Variants in RAD51C observed in about 807,000 individuals in gnomAD.
RAD51C encodes the protein RAD51 paralog C.
Under a neutral mutation model 45.0 loss-of-function variants are expected in RAD51C, and 42 were observed. The observed-to-expected ratio is 0.93, with a 90% CI of 0.73 to 1.21. RAD51C has a LOEUF of 1.21. RAD51C is among the 50% of genes most tolerant of loss of function. The pLI is 0.00. For synonymous variants in RAD51C, 172 were observed against 159.8 expected, an observed-to-expected ratio of 1.08 and a Z score of -0.58; for missense variants, 474 against 452.2, an observed-to-expected ratio of 1.05 and a Z score of -0.44.
chr17:58,731,478 C>T (rs1210897252), intron 7 of RAD51C, among the ~76,000 whole-genome samples: 1 of 152,004 alleles, frequency 6.6e-6, no homozygotes, highest in Non-Finnish European at 1.5e-5. Flanking sequence ...AGGCTGGTCT[C>T]GAACTCCCGA....
rs895193454 is a variant in RAD51C at position 58,710,108 on chromosome 17, G to C, written c.837+118G>C. 7.4e-5 allele frequency: 87 copies of C among 1,174,676 alleles called. No individual in the cohort carries two copies. The East Asian group carries it at 2.0e-3, about 27-fold the overall frequency. 72.8% of individuals were successfully genotyped at this position (1,174,676 alleles called of 1,614,324 possible). A position where few individuals can be genotyped will look rare whatever the true frequency, so the allele number is the denominator to read the frequency against. The stretch of plus-strand genomic sequence containing the variant: ...AAATAATATAGACATGCAGTTTTGA[G>C]TAAAGTTACGTTTGGTTGGTTTCCA... On this transcript the variant is annotated intron_variant, in intron 5 of 8. Transcript: ENST00000337432.
chr17:58,694,902 G>A (rs1483996069), intron 1 of RAD51C, 29 bp from the exon 2 acceptor site: 2 of 1,551,734 alleles, frequency 1.3e-6, no homozygotes, highest in South Asian at 1.1e-5. Context: ...TCTAAAATTA[G>A]GGTTCTTTTT....
intron 7 of RAD51C, among the ~76,000 whole-genome samples, chr17:58,725,716 C>T (rs190281888): frequency 2.6e-5 from 4 of 152,128 alleles, no homozygotes; most frequent in East Asian, 1.9e-4. Context: ...AGTACATGGC[C>T]GGATGCAGTG....
At chr17:58,698,090 C>T (rs996494378) in intron 3 of RAD51C, among the ~76,000 whole-genome samples, 3 of 151,874 alleles carry the variant, frequency 2.0e-5, no homozygotes, top group Non-Finnish European at 4.4e-5. Context: ...CGGCTCACTG[C>T]AGCCTCTGCC....
rs1040276447 is a variant in RAD51C, at chr17:58,734,599, T to G, written c.*377T>G. 8.6e-6 allele frequency: 2 copies of G among 232,892 alleles called. No individual in the cohort carries two copies. Among genetic ancestry groups the G allele is most frequent in the South Asian group, 6.1e-5 (1 of 16,382 alleles). 14.4% of individuals were successfully genotyped at this position (232,892 alleles called of 1,614,324 possible). ...CATATTCTTATTGTGTTTTTTTTTT[T>G]TTTTTTTTTTTTGGAGATGGATTCT... On this transcript the variant is annotated 3_prime_UTR_variant, in exon 9 of 9. Coordinates refer to ENST00000337432, the MANE Select transcript of RAD51C (RefSeq NM_058216.3).
intron 4 of RAD51C, among the ~76,000 whole-genome samples, chr17:58,704,112 C>G (rs891590429): frequency 1.3e-5 from 2 of 151,452 alleles, no homozygotes; most frequent in African/African-American, 4.9e-5. Flanking sequence ...GAACTTGGCC[C>G]CATCCTGTCT....
At chr17:58,717,386 T>G (rs1312074851) in intron 5 of RAD51C, among the ~76,000 whole-genome samples, 1 of 152,072 alleles carries the variant, frequency 6.6e-6, no homozygotes, top group Non-Finnish European at 1.5e-5. Flanking sequence ...GCTATGATTG[T>G]GTCATTGCCC....
chr17:58,704,261 C>A (rs2048307074), intron 4 of RAD51C, among the ~76,000 whole-genome samples: 1 of 151,518 alleles, frequency 6.6e-6, no homozygotes, highest in Admixed American at 6.6e-5. Context: ...CCTTGGCTTG[C>A]CTTTATTTAT....
intron 2 of RAD51C, among the ~76,000 whole-genome samples, chr17:58,696,295 T>C (rs2048004112): frequency 6.6e-6 from 1 of 151,796 alleles, no homozygotes; most frequent in African/African-American, 2.4e-5. Context: ...TAGCCGGGCG[T>C]GGTGGCGGGT....
rs2143963184 is a variant in RAD51C, at chr17:58,724,096, C to G, written c.961C>G (p.Gln321Glu). 6.2e-7 allele frequency: 1 copy of G among 1,610,954 alleles called. No homozygotes were observed. ...IRLIFHWDRK[Q>E]RLATLYKSPS... The stretch of plus-strand genomic sequence containing the variant: ...GCTAATCTTTCATTGGGACCGAAAG[C>G]AAAGGTCAGTACAGAAACAAGTTAA... Residue 321 changes from glutamine (Q) to glutamate (E), a missense_variant, in exon 7 of 9, where the codon CAA (glutamine) becomes GAA (glutamate). Gln to Glu is a conservative substitution (Grantham distance 29). Transcript: ENST00000337432.
chr17:58,707,444 C>T (rs543976693), intron 4 of RAD51C, among the ~76,000 whole-genome samples: 24 of 151,882 alleles, frequency 1.6e-4, no homozygotes, highest in African/African-American at 5.5e-4. Flanking sequence ...ATTGCTTGAA[C>T]CAGGGAGGTG....
rs768182004 is a variant in RAD51C, at chr17:58,692,636, A to G, written c.-8A>G. On this transcript the variant is annotated 5_prime_UTR_variant, in exon 1 of 9. Coordinates refer to ENST00000337432, the MANE Select transcript of RAD51C (RefSeq NM_058216.3). ...TTGGCTGCTCCGGGGTTAGCAGGTG[A>G]GCCTGCGATGCGCGGGAAGACGTTC... 38 of 1,613,804 alleles carry G rather than the reference A, an allele frequency of 2.4e-5. No homozygotes were observed. In the South Asian group the frequency reaches 4.0e-4, roughly 17 times the overall value.
chr17:58,716,892 C>T (rs1226805029), intron 5 of RAD51C, among the ~76,000 whole-genome samples: 1 of 151,884 alleles, frequency 6.6e-6, no homozygotes, highest in Non-Finnish European at 1.5e-5. Flanking sequence ...CCTCTGCCTC[C>T]TGGGTTCACA....
chr17:58,693,126 T>G, intron 1 of RAD51C: 2 of 311,560 alleles, frequency 6.4e-6, no homozygotes, highest in South Asian at 5.9e-5. Context: ...TAGGTAACTT[T>G]TCATGCTAAC....
chr17:58,712,047 T>A (rs1199375364), intron 5 of RAD51C, among the ~76,000 whole-genome samples: 2 of 149,742 alleles, frequency 1.3e-5, no homozygotes, highest in Admixed American at 6.7e-5. Flanking sequence ...AAAAAAAAAA[T>A]ACATAAAATA....
chr17:58,702,024 T>C (rs1369157863), intron 3 of RAD51C, among the ~76,000 whole-genome samples: 1 of 151,814 alleles, frequency 6.6e-6, no homozygotes, highest in Non-Finnish European at 1.5e-5. Flanking sequence ...AGACAGAGTT[T>C]TCATTCTGTC....
intron 5 of RAD51C, among the ~76,000 whole-genome samples, chr17:58,715,864 G>A (rs1426796611): frequency 6.6e-6 from 1 of 152,114 alleles, no homozygotes; most frequent in Non-Finnish European, 1.5e-5. Context: ...CAGCACTTTG[G>A]GAGGCCAAGC....
chr17:58,714,254 G>T (rs1007238745), intron 5 of RAD51C, among the ~76,000 whole-genome samples: 4 of 151,982 alleles, frequency 2.6e-5, no homozygotes, highest in African/African-American at 9.7e-5. Flanking sequence ...CAAAGTGCTG[G>T]GATTACAGGT....
rs1444333199 is a variant in RAD51C, at chr17:58,720,807, C to T, written c.899C>T (p.Ala300Val). 2.5e-6 allele frequency: 4 copies of T among 1,609,318 alleles called. No individual in the cohort carries two copies. The African/African-American group carries it at 5.3e-5, about 22-fold the overall frequency. Residue 300 changes from alanine (A) to valine (V), a missense_variant, in exon 6 of 9, where the codon GCA (alanine) becomes GTA (valine). Coordinates refer to ENST00000337432, the MANE Select transcript of RAD51C (RefSeq NM_058216.3). Reference sequence around the variant, plus strand: ...AGAAATCAGGCCTTGCTTGTTCCTGCATTAGGTGGGTAATTAATCAGATAA... The same window carrying T: ...AGAAATCAGGCCTTGCTTGTTCCTGTATTAGGTGGGTAATTAATCAGATAA... ...IDRNQALLVPALGESWGHAAT... is the reference protein window; with the variant it reads ...IDRNQALLVPVLGESWGHAAT...
Sources: gnomAD v4.1 joint callset for allele counts (sites outside exome capture counted in the v4.1 genomes callset) on GRCh38, gnomAD v4.1.1 for gene constraint, MANE v1.5 for transcripts, NCBI Gene and HGNC (gene_info 2026-07-23, HGNC 2026-07-21) for gene names.